LCORL: variants seen among roughly 807,000 people sequenced by gnomAD.
LCORL encodes the protein ligand-dependent nuclear receptor corepressor-like protein.
A neutral mutation model predicts 141.8 loss-of-function variants in LCORL; 41 were observed. That is an observed-to-expected ratio of 0.29 (90% CI 0.23 to 0.38). The LOEUF (loss-of-function observed/expected upper bound fraction) is 0.38, where lower values mean the gene tolerates loss of function less well. Among genes scored for constraint, LCORL ranks in the 10% least tolerant of loss-of-function variants. LCORL has a pLI of 1.00. For missense variants in LCORL, 1,759 were observed against 2,035.0 expected (o/e 0.86, Z 2.61); for synonymous variants, 618 against 694.1 (o/e 0.89, Z 1.72).
chr4:17,922,211 G>A (rs1160332643), intron 4 of LCORL, among the ~76,000 whole-genome samples: 1 of 152,120 alleles, frequency 6.6e-6, no homozygotes, highest in Non-Finnish European at 1.5e-5. Flanking sequence ...GGTTCTAGAG[G>A]AATAGAACTT....
exon 8 of LCORL, chr4:17,844,566 A>ATGAT (rs1284453644): frequency 7.2e-5 from 11 of 152,444 alleles, no homozygotes; most frequent in Non-Finnish European, 8.8e-5. Flanking sequence ...AAAAATGGTA[A>ATGAT]TGATAGAAAG....
intron 5 of LCORL, among the ~76,000 whole-genome samples, chr4:17,904,834 G>A (rs1731370585): frequency 6.6e-6 from 1 of 152,002 alleles, no homozygotes; most frequent in Admixed American, 6.6e-5. Context: ...CCTTGACTTG[G>A]TTACTCTTGG....
exon 7 of LCORL, chr4:17,875,803 T>C: frequency 1.6e-6 from 2 of 1,231,256 alleles, no homozygotes; most frequent in Non-Finnish European, 1.0e-6. Flanking sequence ...GAATTGTCCT[T>C]AGGTTCTTCT....
chr4:17,932,282 G>C (rs552322183), intron 4 of LCORL, among the ~76,000 whole-genome samples: 49 of 152,174 alleles, frequency 3.2e-4, no homozygotes, highest in African/African-American at 1.1e-3. Flanking sequence ...TCATATATTA[G>C]TGTCAGCTTA....
chr4:17,922,515 GA>G (rs912512048), intron 4 of LCORL, among the ~76,000 whole-genome samples: 1 of 152,162 alleles, frequency 6.6e-6, no homozygotes, highest in African/African-American at 2.4e-5. Flanking sequence ...AGTGATGAAA[GA>G]AAACTATGAA....
At chr4:17,883,154 T>C (rs941106895) in intron 6 of LCORL, 46 of 981,578 alleles carry the variant, frequency 4.7e-5, no homozygotes, top group Non-Finnish European at 5.3e-5. Flanking sequence ...GTGGATGCAC[T>C]TGAGTGCATT....
At chr4:17,933,121 C>A (rs529188998) in intron 4 of LCORL, among the ~76,000 whole-genome samples, 10,650 of 152,108 alleles carry the variant, frequency 0.07, 1,284 homozygotes, top group African/African-American at 0.24. Context: ...TTAAAATTAT[C>A]ATACTTTTAC....
chr4:18,021,716 G>T lies in LCORL; in HGVS notation c.36C>A (p.Ala12=), dbSNP rs1405625765. Residue 12 remains alanine (A), a synonymous_variant, in exon 1 of 8, where the codon GCC becomes GCA. Transcript: ENST00000635767. The surrounding 1 kb of genome is among the most constrained non-coding windows in gnomAD (Gnocchi z 5.5). ...CGGCGGCGGCGGCGGCAGCAGCGGCGGCGGCAGCGGCCATTCTCTCTCTTC... is the reference window on the plus strand; with the variant it reads ...CGGCGGCGGCGGCGGCAGCAGCGGCTGCGGCAGCGGCCATTCTCTCTCTTC... 1 of 1,526,174 alleles carries T rather than the reference G, an allele frequency of 6.6e-7. No individual in the cohort carries two copies. The highest frequency in any genetic ancestry group is 1.4e-5 in the African/African-American group (1 of 70,590). 94.5% of individuals were successfully genotyped at this position (1,526,174 alleles called of 1,614,324 possible). A position where few individuals can be genotyped will look rare whatever the true frequency, so the allele number is the denominator to read the frequency against.
chr4:17,874,266 T>C (rs1726683777), exon 7 of LCORL: 1 of 1,233,978 alleles, frequency 8.1e-7, no homozygotes, highest in Non-Finnish European at 1.0e-6. Context: ...AGCCACTTTA[T>C]GCAGTATATG....
At chr4:17,891,254 G>A (rs1243359643) in intron 5 of LCORL, among the ~76,000 whole-genome samples, 1 of 151,986 alleles carries the variant, frequency 6.6e-6, no homozygotes, top group African/African-American at 2.4e-5. Context: ...AAATGAAAGA[G>A]AAATCAACTA....
At chr4:18,015,308 G>C (rs1458970908) in intron 1 of LCORL, among the ~76,000 whole-genome samples, 2 of 152,100 alleles carry the variant, frequency 1.3e-5, no homozygotes, top group Non-Finnish European at 2.9e-5. Context: ...ACACAAAAAA[G>C]ACTGGTTAAG....
chr4:17,883,063 A>G, intron 6 of LCORL: 2 of 977,022 alleles, frequency 2.0e-6, no homozygotes, highest in South Asian at 4.7e-5. Flanking sequence ...ATAAACCCCA[A>G]CTTCTTGCTA....
intron 1 of LCORL, among the ~76,000 whole-genome samples, chr4:17,991,787 A>C (rs724577): frequency 0.71 from 108,081 of 152,002 alleles, 38,695 homozygotes; most frequent in South Asian, 0.85. Context: ...AATTTCAAGC[A>C]TGCCCTCCTT....
At position 18,021,701 on chromosome 4, in the gene LCORL, GGCGGCAGCA is replaced by G. The variant is rs1355428409; in HGVS notation, c.42_50del (p.Ala20_Ala22del). On this transcript the variant is annotated inframe_deletion, in exon 1 of 8. Transcript: ENST00000635767. This position sits in a 1 kb window ranked among gnomAD's most constrained non-coding sequence, Gnocchi z 5.5. ...TCCGGCACTGAGCGGCGGCGGCGGC[GGCGGCAGCA>G]GCGGCGGCGGCAGCGGCCATTCTCT... The G allele has an allele frequency of 1.2e-5, 19 of 1,529,482 alleles. No individual in the cohort carries two copies. Among genetic ancestry groups the G allele is most frequent in the Non-Finnish European group, 1.5e-5 (17 of 1,139,024 alleles). 94.7% of individuals were successfully genotyped at this position (1,529,482 alleles called of 1,614,324 possible).
chr4:17,901,513 T>C (rs923479836), intron 5 of LCORL, among the ~76,000 whole-genome samples: 4 of 152,092 alleles, frequency 2.6e-5, no homozygotes, highest in African/African-American at 9.7e-5. Context: ...TAATCATGTA[T>C]GTAATTCTCA....
intron 4 of LCORL, among the ~76,000 whole-genome samples, chr4:17,948,554 A>T (rs1267267685): frequency 1.3e-5 from 2 of 152,048 alleles, no homozygotes; most frequent in East Asian, 3.9e-4. Context: ...GAAGTTGATA[A>T]CCTAGAAGCA....
rs1404216443 is a variant in LCORL at position 17,872,969 on chromosome 4, T to A, written c.5602+419A>T. Reference sequence around the variant, plus strand: ...TTTTTTAAAAACATGGTCTCATAGTTGTGGTTGATTTCTCAATTGAGTAAA... The same window carrying A: ...TTTTTTAAAAACATGGTCTCATAGTAGTGGTTGATTTCTCAATTGAGTAAA... On this transcript the variant is annotated intron_variant, in intron 7 of 7. Coordinates refer to ENST00000635767, the Ensembl canonical transcript of LCORL. Among the ~76,000 whole-genome samples, 38 of 152,124 alleles carry A rather than the reference T, an allele frequency of 2.5e-4. 1 individual carries two copies. The highest frequency in any genetic ancestry group is 1.5e-5 in the Non-Finnish European group (1 of 68,016).
In LCORL at chr4:18,021,048, C is replaced by T. The variant is rs1257304433; in HGVS notation, c.154+550G>A. Among the ~76,000 whole-genome samples, 8 of 152,220 alleles carry T rather than the reference C, an allele frequency of 5.3e-5. No individual in the cohort carries two copies. The East Asian group carries it at 1.5e-3, about 29-fold the overall frequency. ...CGCCCCTCGCCCCCAGCCGGCCCAT[C>T]AGCGGCCCCCGCCCTGCGAGTGCCC... On this transcript the variant is annotated intron_variant, in intron 1 of 7. Coordinates refer to ENST00000635767, the Ensembl canonical transcript of LCORL. The surrounding 1 kb of genome is among the most constrained non-coding windows in gnomAD (Gnocchi z 5.5).
chr4:17,995,607 A>G (rs1421279826), intron 1 of LCORL, among the ~76,000 whole-genome samples: 1 of 152,162 alleles, frequency 6.6e-6, no homozygotes, highest in Admixed American at 6.5e-5. Flanking sequence ...AACTAGTCAT[A>G]AAGAATTACT....
Sources: gnomAD v4.1 joint callset for allele counts (sites outside exome capture counted in the v4.1 genomes callset) on GRCh38, gnomAD v4.1.1 for gene constraint, Gnocchi (gnomAD v3.1) non-coding constraint, MANE v1.5 for transcripts, NCBI Gene and HGNC (gene_info 2026-07-23, HGNC 2026-07-21) for gene names.